FAT3: variants seen among roughly 807,000 people sequenced by gnomAD.
FAT3 encodes the protein protocadherin Fat 3.
A neutral mutation model predicts 310.2 loss-of-function variants in FAT3; 95 were observed. The ratio of observed to expected loss-of-function variants is 0.31; its 90% CI spans 0.26 to 0.36. FAT3 has a LOEUF of 0.36. FAT3 is among the 10% of genes least tolerant of loss of function. The pLI is 1.00. For synonymous variants in FAT3, 2,314 were observed against 2,192.9 expected, an observed-to-expected ratio of 1.06 and a Z score of -1.54; for missense variants, 5,408 against 5,715.6, an observed-to-expected ratio of 0.95 and a Z score of 1.74.
At chr11:92,833,131 T>A (rs1390884267) in intron 14 of FAT3, among the ~76,000 whole-genome samples, 1 of 152,242 alleles carries the variant, frequency 6.6e-6, no homozygotes, top group Non-Finnish European at 1.5e-5. Context: ...CAAGCTTGGA[T>A]GTTCTTTGAA....
rs552029177 is a variant in FAT3 at position 92,394,978 on chromosome 11, C to A, written c.3292+39574C>A. Among the ~76,000 whole-genome samples, 4 of 152,258 alleles carry A rather than the reference C, an allele frequency of 2.6e-5. No individual in the cohort carries two copies. The South Asian group carries it at 8.3e-4, about 32-fold the overall frequency. On this transcript the variant is annotated intron_variant, in intron 2 of 27. Coordinates refer to ENST00000525166, the MANE Select transcript of FAT3 (RefSeq NM_001367949.2). ...GATGTCTGTTTTGTTTTCTGCCACA[C>A]CCATTGGCTAGGAGAGTAACTGGTA...
chr11:92,862,214 C>G (rs1949136189), intron 21 of FAT3, among the ~76,000 whole-genome samples: 1 of 152,110 alleles, frequency 6.6e-6, no homozygotes, highest in South Asian at 2.1e-4. Flanking sequence ...TTCAGTAGAG[C>G]CCAAACCATA....
intron 3 of FAT3, among the ~76,000 whole-genome samples, chr11:92,534,277 G>A (rs1047138937): frequency 4.0e-5 from 6 of 150,858 alleles, no homozygotes; most frequent in African/African-American, 1.2e-4. Context: ...CCACAGTCCT[G>A]GGGGGGGAGG....
intron 2 of FAT3, among the ~76,000 whole-genome samples, chr11:92,365,217 C>T (rs1948988596): frequency 6.6e-6 from 1 of 152,076 alleles, no homozygotes; most frequent in Non-Finnish European, 1.5e-5. Flanking sequence ...GTGCAGTGAG[C>T]CATGTTTGCA....
chr11:92,729,567 C>T (rs1042045646), intron 4 of FAT3, among the ~76,000 whole-genome samples: 1 of 151,830 alleles, frequency 6.6e-6, no homozygotes, highest in Non-Finnish European at 1.5e-5. Flanking sequence ...GCTGGGATTA[C>T]AGGAGCGTGC....
chr11:92,559,382 CCTTT>C, intron 3 of FAT3: 1 of 163,696 alleles, frequency 6.1e-6, no homozygotes, highest in Non-Finnish European at 1.2e-5. Context: ...TACTTATTTT[CCTTT>C]TTTTTTTTTT....
chr11:92,225,971 TC>T (rs10714997), intron 1 of FAT3, among the ~76,000 whole-genome samples: 121,872 of 152,104 alleles, frequency 0.8, 49,004 homozygotes, highest in Middle Eastern at 0.89. Context: ...GGTCTGACCA[TC>T]CCCAGGAGTG....
intron 4 of FAT3, among the ~76,000 whole-genome samples, chr11:92,718,411 G>A (rs562008983): frequency 6.6e-6 from 1 of 152,128 alleles, no homozygotes; most frequent in Non-Finnish European, 1.5e-5. Context: ...GCTCAAGCTG[G>A]GGTCCACGTG....
intron 3 of FAT3, among the ~76,000 whole-genome samples, chr11:92,564,202 C>CA (rs781240333): frequency 6.6e-6 from 1 of 151,940 alleles, no homozygotes; most frequent in Non-Finnish European, 1.5e-5. Context: ...ATCTATCAAA[C>CA]AAATGGAAAA....
At chr11:92,537,540 C>T (rs985482761) in intron 3 of FAT3, among the ~76,000 whole-genome samples, 1 of 152,066 alleles carries the variant, frequency 6.6e-6, no homozygotes, top group African/African-American at 2.4e-5. Context: ...TTCCAGGATT[C>T]TCTCTTCCAG....
chr11:92,712,744 G>GT (rs1386114418), intron 4 of FAT3, among the ~76,000 whole-genome samples: 2 of 152,212 alleles, frequency 1.3e-5, no homozygotes, highest in African/African-American at 2.4e-5. Context: ...GCATAAATGT[G>GT]TAACTATAAA....
chr11:92,277,246 G>GT (rs1381585231), intron 1 of FAT3, among the ~76,000 whole-genome samples: 1 of 152,116 alleles, frequency 6.6e-6, no homozygotes, highest in Non-Finnish European at 1.5e-5. Context: ...CTAGAAGGTT[G>GT]TTTTTTAAGT....
At chr11:92,585,089 A>G (rs1366917708) in intron 3 of FAT3, among the ~76,000 whole-genome samples, 2 of 152,088 alleles carry the variant, frequency 1.3e-5, no homozygotes, top group African/African-American at 4.8e-5. Context: ...AGTCAAAGAC[A>G]AGTTATTGAA....
At chr11:92,650,808 G>A (rs910508587) in intron 3 of FAT3, among the ~76,000 whole-genome samples, 1 of 152,102 alleles carries the variant, frequency 6.6e-6, no homozygotes, top group Non-Finnish European at 1.5e-5. Context: ...TATGAAAGGG[G>A]GTTAATATGA....
chr11:92,679,074 G>C (rs1373493643), intron 3 of FAT3, among the ~76,000 whole-genome samples: 3 of 152,052 alleles, frequency 2.0e-5, no homozygotes, highest in Non-Finnish European at 4.4e-5. Flanking sequence ...TGGCTGGCTT[G>C]TTTCACTTAA....
In FAT3 at chr11:92,512,319, A is replaced by G. The variant is rs562145250; in HGVS notation, c.3293-12315A>G. Among the ~76,000 whole-genome samples, 8 of 151,780 alleles carry G rather than the reference A, an allele frequency of 5.3e-5. No homozygotes were observed. The South Asian group carries it at 1.2e-3, about 24-fold the overall frequency. ...AGAATCAGGCACCACCTCATTCTCT[A>G]AAATAGAATGGGTGCTTTGATGAGC... On this transcript the variant is annotated intron_variant, in intron 2 of 27. Coordinates refer to ENST00000525166, the MANE Select transcript of FAT3 (RefSeq NM_001367949.2).
intron 3 of FAT3, among the ~76,000 whole-genome samples, chr11:92,632,555 A>G (rs959266833): frequency 1.3e-5 from 2 of 152,238 alleles, no homozygotes; most frequent in African/African-American, 4.8e-5. Flanking sequence ...TTAGGCAGTC[A>G]CTTCTCTTCT....
At position 92,866,039 on chromosome 11, in the gene FAT3, A is replaced by G. The variant is rs559224847; in HGVS notation, c.11659-702A>G. ...TTGGAAGATAACCTTTACCTAAACC[A>G]TGAGCATCATCCTAAAGGCCTATTT... On this transcript the variant is annotated intron_variant, in intron 21 of 27. Transcript: ENST00000525166. Among the ~76,000 whole-genome samples, 5 of 152,316 alleles carry G rather than the reference A, an allele frequency of 3.3e-5. No individual in the cohort carries two copies. The South Asian group carries it at 1.0e-3, about 32-fold the overall frequency.
At chr11:92,805,124 CA>C (rs1463509055) in intron 10 of FAT3, 28 bp from the exon 11 acceptor site, 1 of 1,597,238 alleles carries the variant, frequency 6.3e-7, no homozygotes, top group African/African-American at 1.3e-5. Flanking sequence ...TGCACATCTT[CA>C]AAAGCTCTTT....
Sources: allele counts gnomAD v4.1 joint callset (sites outside exome capture counted in the v4.1 genomes callset), GRCh38; gene constraint gnomAD v4.1.1; transcripts MANE v1.5; gene names NCBI Gene and HGNC (gene_info 2026-07-23, HGNC 2026-07-21).